RPRD2: variants seen among roughly 807,000 people sequenced by gnomAD.
RPRD2 encodes regulation of nuclear pre-mRNA domain-containing protein 2.
Under a neutral mutation model 104.4 loss-of-function variants are expected in RPRD2, and 12 were observed. The observed-to-expected ratio is 0.11, with a 90% CI of 0.07 to 0.19. The LOEUF (loss-of-function observed/expected upper bound fraction) is 0.19, where lower values mean the gene tolerates loss of function less well. Ranked by LOEUF, RPRD2 falls within the 10% of genes least tolerant of loss-of-function variation. The probability of loss-of-function intolerance (pLI) is 1.00; values close to 1 mark genes in which losing one functional copy is unlikely to be tolerated. For missense variants in RPRD2, 1,543 were observed against 1,790.1 expected, an observed-to-expected ratio of 0.86 and a Z score of 2.49; for synonymous variants, 714 against 684.9, an observed-to-expected ratio of 1.04 and a Z score of -0.66.
In RPRD2 at chr1:150,440,938, TA is replaced by T; in HGVS notation, c.353del (p.Lys118SerfsTer3). 1 of 1,560,602 alleles carries T rather than the reference TA, an allele frequency of 6.4e-7. No individual in the cohort carries two copies. The highest frequency in any genetic ancestry group is 1.2e-5 in the South Asian group (1 of 84,258). On this transcript the variant is annotated frameshift_variant, in exon 3 of 11. Coordinates refer to ENST00000369068, the MANE Select transcript of RPRD2 (RefSeq NM_015203.5). LOFTEE classifies it high-confidence loss of function. Reference protein sequence around the residue: ...AALVKDPSVSKSVERIFKIWE... With the variant: ...AALVKDPSVSXSVERIFKIWE... ...TTGTTTTCAGGGATCCATCTGTCTCTAAGTCTGTAGAACGAATCTTTAAAAT... is the reference window on the plus strand; with the variant it reads ...TTGTTTTCAGGGATCCATCTGTCTCTAGTCTGTAGAACGAATCTTTAAAAT...
chr1:150,464,961 C>G (rs1374066218), intron 10 of RPRD2, among the ~76,000 whole-genome samples: 3 of 151,976 alleles, frequency 2.0e-5, no homozygotes, highest in Non-Finnish European at 4.4e-5. Context: ...CCTCTGCCTC[C>G]TGGTTCAAGT....
chr1:150,471,517 A>G lies in RPRD2; in HGVS notation c.2569A>G (p.Ile857Val), dbSNP rs1668585820. ...MNLEKKPAKS[I>V]LKSSKLSDTT... ...CCTAGAGAAGAAACCAGCCAAATCT[A>G]TCCTGAAATCAAGCAAGCTGTCTGA... The change falls in exon 11 of 11, where the codon ATC becomes GTC. Residue 857 changes from isoleucine (I) to valine (V), a missense_variant. Physicochemically the swap from Ile to Val is conservative, Grantham distance 29. Coordinates refer to ENST00000369068, the MANE Select transcript of RPRD2 (RefSeq NM_015203.5). This position sits in a 1 kb window ranked among gnomAD's most constrained non-coding sequence, Gnocchi z 5.3. 3.7e-6 allele frequency: 6 copies of G among 1,613,682 alleles called. No homozygotes were observed. In the East Asian group the frequency reaches 8.9e-5, roughly 24 times the overall value.
chr1:150,473,232 C>T lies in RPRD2; in HGVS notation c.4284C>T (p.Leu1428=), dbSNP rs780657646. The T allele has an allele frequency of 1.5e-5, 24 of 1,613,830 alleles. No individual in the cohort carries two copies. The South Asian group carries it at 2.6e-4, about 18-fold the overall frequency. The change falls in exon 11 of 11, where the codon CTC becomes CTT. Residue 1428 remains leucine, a synonymous_variant. Transcript: ENST00000369068. The part of the protein sequence containing the change: ...RPDFRPREPF[L]SRDPFHSLKR... ...ACTTTCGGCCTAGGGAACCTTTTCT[C>T]AGCAGAGACCCATTTCACAGTTTAA... is the stretch of plus-strand genomic sequence containing the variant.
intron 1 of RPRD2, 44 bp from the exon 2 acceptor site, chr1:150,417,552 A>C: frequency 3.5e-6 from 5 of 1,444,322 alleles, no homozygotes; most frequent in South Asian, 1.6e-5. Context: ...ACTAAGTGCA[A>C]ATTGACTCAT....
chr1:150,466,656 TGTA>T (rs1668304044), intron 10 of RPRD2, among the ~76,000 whole-genome samples: 1 of 152,084 alleles, frequency 6.6e-6, no homozygotes, highest in African/African-American at 2.4e-5. Flanking sequence ...GAGTCTTAGA[TGTA>T]GTATTTTTGT....
At chr1:150,428,870 C>T (rs1665354910) in intron 2 of RPRD2, among the ~76,000 whole-genome samples, 1 of 152,034 alleles carries the variant, frequency 6.6e-6, no homozygotes, top group Non-Finnish European at 1.5e-5. Flanking sequence ...TTGCTAGTAC[C>T]TTCCTGTTAT....
chr1:150,411,514 G>A (rs1207108879), intron 1 of RPRD2, among the ~76,000 whole-genome samples: 1 of 124,862 alleles, frequency 8.0e-6, no homozygotes, highest in Non-Finnish European at 1.7e-5. Context: ...AGTACACTAG[G>A]CGCGGTGGCT....
At chr1:150,410,925 C>T (rs180949170) in intron 1 of RPRD2, among the ~76,000 whole-genome samples, 26 of 152,246 alleles carry the variant, frequency 1.7e-4, no homozygotes, top group Non-Finnish European at 3.4e-4. Flanking sequence ...TACAGTGGGG[C>T]GATTGTGGCT....
intron 1 of RPRD2, among the ~76,000 whole-genome samples, chr1:150,406,770 A>G (rs1553886588): frequency 6.6e-6 from 1 of 152,150 alleles, no homozygotes; most frequent in African/African-American, 2.4e-5. Flanking sequence ...ACTGGAGTGC[A>G]ATGGCGTGAT....
At chr1:150,427,035 C>T (rs1195822340) in intron 2 of RPRD2, among the ~76,000 whole-genome samples, 1 of 152,142 alleles carries the variant, frequency 6.6e-6, no homozygotes, top group Non-Finnish European at 1.5e-5. Flanking sequence ...GTTCCAGCTT[C>T]TTGGGAGGCT....
At chr1:150,455,066 G>C (rs782690932) in intron 7 of RPRD2, among the ~76,000 whole-genome samples, 1 of 152,100 alleles carries the variant, frequency 6.6e-6, no homozygotes, top group Non-Finnish European at 1.5e-5. Flanking sequence ...TGGTGTGATC[G>C]CAGTAGCAGT....
At position 150,436,886 on chromosome 1, in the gene RPRD2, C is replaced by T. The variant is rs890424702; in HGVS notation, c.336-4037C>T. Among the ~76,000 whole-genome samples, 6 of 150,480 alleles carry T rather than the reference C, an allele frequency of 4.0e-5. No individual in the cohort carries two copies. In the East Asian group the frequency reaches 8.1e-4, roughly 20 times the overall value. On this transcript the variant is annotated intron_variant, in intron 2 of 10. Transcript: ENST00000369068. ...CGCCATTGCACTCCAGCCTGGGCAA[C>T]GAGCAAAACTCCGTCTCAAATAAAA... is the stretch of plus-strand genomic sequence containing the variant.
At chr1:150,431,473 A>ATGTTTTTTTTTTTTTTTTTTTT (rs1665568391) in intron 2 of RPRD2, among the ~76,000 whole-genome samples, 1 of 78,850 alleles carries the variant, frequency 1.3e-5, no homozygotes, top group Non-Finnish European at 2.4e-5. Context: ...AAAAGGAAGG[A>ATGTTTTTTTTTTTTTTTTTTTT]TTTTTTTTTT....
intron 8 of RPRD2, among the ~76,000 whole-genome samples, chr1:150,459,069 C>T (rs193151197): frequency 2.7e-3 from 417 of 152,194 alleles, no homozygotes; most frequent in Non-Finnish European, 5.0e-3. Context: ...ACTGGAATTC[C>T]TTATTCTCTG....
chr1:150,367,305 T>C (rs782600943), intron 1 of RPRD2, among the ~76,000 whole-genome samples: 96 of 152,340 alleles, frequency 6.3e-4, no homozygotes, highest in Non-Finnish European at 7.8e-4. Context: ...AGTTTATGCA[T>C]GGGCCTTGTT....
At position 150,475,341 on chromosome 1, in the gene RPRD2, T is replaced by A. The variant is rs1668840607; in HGVS notation, c.*2007T>A. On this transcript the variant is annotated 3_prime_UTR_variant, in exon 11 of 11. Transcript: ENST00000369068. ...AAATGGGATGTTTTTCATTCTAGAA[T>A]AAAAGAATGTGAATTCTCTTTGCTG... 2.0e-5 allele frequency: 3 copies of A among 152,264 alleles called. No individual in the cohort carries two copies. Among genetic ancestry groups the A allele is most frequent in the Admixed American group, 6.5e-5 (1 of 15,276 alleles). The allele number at this position is 152,264 out of a possible 1,614,324, so 9.4% of individuals were successfully genotyped here. A position where few individuals can be genotyped will look rare whatever the true frequency, so the allele number is the denominator to read the frequency against.
Position 150,472,984 on chromosome 1 carries a change from C to T in RPRD2, c.4036C>T (p.Pro1346Ser), listed in dbSNP as rs748583747. The T allele has an allele frequency of 6.2e-7, 1 of 1,614,016 alleles. No homozygotes were observed. The highest frequency in any genetic ancestry group is 8.5e-7 in the Non-Finnish European group (1 of 1,179,894). Residue 1346 changes from proline to serine, a missense_variant, in exon 11 of 11, where the codon CCC (proline) becomes TCC (serine). Coordinates refer to ENST00000369068, the MANE Select transcript of RPRD2 (RefSeq NM_015203.5). Reference protein sequence around the residue: ...LAEHFGVLPGPRDHGGPTQRD... With the variant: ...LAEHFGVLPGSRDHGGPTQRD... ...TGAGCATTTTGGGGTACTCCCAGGA[C>T]CCAGGGACCACGGGGGCCCCACCCA...
chr1:150,365,231 A>C (rs1397695130), intron 1 of RPRD2, among the ~76,000 whole-genome samples: 1 of 152,056 alleles, frequency 6.6e-6, no homozygotes, highest in East Asian at 1.9e-4. Flanking sequence ...ATTTTTCCGA[A>C]CCTTCGCGGA....
At chr1:150,447,576 C>T (rs1553895799) in intron 7 of RPRD2, among the ~76,000 whole-genome samples, 1 of 149,904 alleles carries the variant, frequency 6.7e-6, no homozygotes, top group African/African-American at 2.5e-5. Context: ...TCAGGTGATC[C>T]GCCCACCTCG....
Sources: allele counts gnomAD v4.1 joint callset (sites outside exome capture counted in the v4.1 genomes callset), GRCh38; gene constraint gnomAD v4.1.1; non-coding constraint Gnocchi (gnomAD v3.1); transcripts MANE v1.5; gene names NCBI Gene and HGNC (gene_info 2026-07-23, HGNC 2026-07-21).